LSM4: variants seen among roughly 807,000 people sequenced by gnomAD.
LSM4 encodes the protein U6 snRNA-associated Sm-like protein LSm4.
In LSM4, 15 loss-of-function variants were observed where a neutral mutation model predicts 22.3. The ratio of observed to expected loss-of-function variants is 0.67; its 90% CI spans 0.45 to 1.03. The LOEUF (loss-of-function observed/expected upper bound fraction) is 1.03. Ranked by LOEUF, LSM4 falls within the 50% of genes least tolerant of loss-of-function variation. The probability of loss-of-function intolerance (pLI) is 0.00; values close to 1 mark genes in which losing one functional copy is unlikely to be tolerated. For synonymous variants in LSM4, 90 were observed against 79.8 expected (o/e 1.13, Z -0.68); for missense variants, 127 against 198.0 (o/e 0.64, Z 2.15).
chr19:18,320,056 G>C (rs753676429), intron 1 of LSM4, among the ~76,000 whole-genome samples: 5 of 152,222 alleles, frequency 3.3e-5, no homozygotes, highest in Non-Finnish European at 7.3e-5. Context: ...GTGGCTGCGG[G>C]ACAGGGAGCT....
chr19:18,316,880 A>G (rs1229423713), intron 1 of LSM4, among the ~76,000 whole-genome samples: 1 of 152,152 alleles, frequency 6.6e-6, no homozygotes, highest in Non-Finnish European at 1.5e-5. Context: ...CCAGGCCCCA[A>G]TGCAGGGGTC....
chr19:18,314,109 C>T (rs1030137983), intron 2 of LSM4, among the ~76,000 whole-genome samples: 1 of 152,136 alleles, frequency 6.6e-6, no homozygotes, highest in African/African-American at 2.4e-5. Context: ...TCAACTTAGG[C>T]ATCTGCCCAA....
chr19:18,317,459 A>C (rs1970368846), intron 1 of LSM4, among the ~76,000 whole-genome samples: 1 of 151,360 alleles, frequency 6.6e-6, no homozygotes, highest in South Asian at 2.1e-4. Context: ...CAGCCTCCCG[A>C]GTAGCTGGGA....
chr19:18,313,764 T>G (rs1272838391), intron 2 of LSM4, among the ~76,000 whole-genome samples: 1 of 152,148 alleles, frequency 6.6e-6, no homozygotes, highest in Admixed American at 6.5e-5. Flanking sequence ...GATCCTCCTG[T>G]CTTGGCCTCC....
chr19:18,323,017 C>A lies in LSM4; in HGVS notation c.3+1G>T. On this transcript the variant is annotated splice_donor_variant, in intron 1 of 4. Transcript: ENST00000593829. LOFTEE classifies it high-confidence loss of function. ...AGACCCCGCAGTTGCCCTGCCCTCA[C>A]CATGGTGCCGGCGGGGACCGGGCTC... The A allele has an allele frequency of 6.3e-7, 1 of 1,576,250 alleles. No homozygotes were observed. Among genetic ancestry groups the A allele is most frequent in the South Asian group, 1.1e-5 (1 of 87,466 alleles).
At chr19:18,312,332 C>CA (rs1207405228) in intron 3 of LSM4, 3 of 408,768 alleles carry the variant, frequency 7.3e-6, no homozygotes, top group African/African-American at 6.1e-5. Context: ...GCCTGAGCCA[C>CA]AGGGAGTCCC....
At chr19:18,312,068 G>A (rs189617255) in intron 3 of LSM4, 45 of 157,856 alleles carry the variant, frequency 2.9e-4, no homozygotes, top group African/African-American at 7.2e-4. Flanking sequence ...GGGAAGGCCC[G>A]TGACACCAGG....
At chr19:18,323,057 CCGCCGCCGCTGCACACGCTCCCGGCGGT>C (rs776471613) in exon 1 of LSM4, 3 of 1,519,142 alleles carry the variant, frequency 2.0e-6, no homozygotes, top group South Asian at 3.6e-5. Flanking sequence ...GCCACTTCCG[CCGCCGCCGCTGCACACGCTCCCGGCGGT>C]CGTCGCCGCG....
chr19:18,322,250 AAAG>A (rs1970432444), intron 1 of LSM4, among the ~76,000 whole-genome samples: 1 of 152,160 alleles, frequency 6.6e-6, no homozygotes, highest in Admixed American at 6.5e-5. Context: ...CTCATTGAAA[AAAG>A]AAGGACCAGA....
chr19:18,313,196 G>T (rs1265263108), intron 2 of LSM4, among the ~76,000 whole-genome samples: 1 of 152,214 alleles, frequency 6.6e-6, no homozygotes, highest in Non-Finnish European at 1.5e-5. Context: ...AGTGAGCTGA[G>T]ATCGCACCAC....
chr19:18,307,414 G>A lies in LSM4; in HGVS notation c.*50C>T. 1.4e-6 allele frequency: 2 copies of A among 1,432,696 alleles called. No individual in the cohort carries two copies. Among genetic ancestry groups the A allele is most frequent in the Middle Eastern group, 2.4e-4 (1 of 4,106 alleles). 88.7% of individuals were successfully genotyped at this position (1,432,696 alleles called of 1,614,324 possible). ...CAGATCCGTCCGAGACTGTGGAGCG[G>A]AATCGCCACCCTGGCAGGAGGGGGC... On this transcript the variant is annotated 3_prime_UTR_variant, in exon 5 of 5. Transcript: ENST00000593829.
intron 4 of LSM4, 89 bp downstream of exon 4, chr19:18,309,589 A>T: frequency 7.2e-7 from 1 of 1,385,246 alleles, no homozygotes; most frequent in Non-Finnish European, 9.7e-7. Context: ...GCTCCGAGGC[A>T]GCGCTGCAAG....
chr19:18,316,154 T>C (rs1471965492), intron 1 of LSM4, 89 bp from the exon 2 acceptor site: 4 of 1,240,392 alleles, frequency 3.2e-6, no homozygotes, highest in Middle Eastern at 2.0e-4. Flanking sequence ...TCATAGATGG[T>C]GCGGTGCGGT....
chr19:18,308,103 A>G lies in LSM4; in HGVS notation c.329-548T>C, dbSNP rs1970253108. 2.6e-5 allele frequency among the ~76,000 whole-genome samples: 4 copies of G among 152,316 alleles called. 1 individual carries two copies. The South Asian group carries it at 8.3e-4, about 32-fold the overall frequency. On this transcript the variant is annotated intron_variant, in intron 4 of 4. Coordinates refer to ENST00000593829, the MANE Select transcript of LSM4 (RefSeq NM_012321.5). ...CTGAGGCCAGAGATAGACCATGAGG[A>G]CAAATGACATTTTCCATGAAGCCCC...
At chr19:18,311,146 G>A (rs1299167515) in intron 3 of LSM4, among the ~76,000 whole-genome samples, 1 of 152,132 alleles carries the variant, frequency 6.6e-6, no homozygotes, top group Non-Finnish European at 1.5e-5. Flanking sequence ...GCCTGGGCAG[G>A]TGACTTGGCG....
At chr19:18,317,321 C>A (rs1008059691) in intron 1 of LSM4, among the ~76,000 whole-genome samples, 2 of 145,706 alleles carry the variant, frequency 1.4e-5, no homozygotes, top group Non-Finnish European at 3.0e-5. Flanking sequence ...CACCCCCCGC[C>A]TGAACTGGGT....
At chr19:18,319,562 A>AAACAAC (rs141901547) in intron 1 of LSM4, among the ~76,000 whole-genome samples, 4 of 152,084 alleles carry the variant, frequency 2.6e-5, no homozygotes, top group Admixed American at 1.3e-4. Context: ...TTCATCTCAA[A>AAACAAC]AACAACAACA....
At chr19:18,310,110 A>G in intron 3 of LSM4, 1 of 521,448 alleles carries the variant, frequency 1.9e-6, no homozygotes, top group Non-Finnish European at 3.3e-6. Context: ...GTGCACTCAC[A>G]AGGAAGACTG....
At chr19:18,317,560 G>A (rs761266093) in intron 1 of LSM4, among the ~76,000 whole-genome samples, 25 of 152,026 alleles carry the variant, frequency 1.6e-4, no homozygotes, top group Middle Eastern at 3.4e-3. Context: ...TGTTAGCCAG[G>A]ATGGTCTCGA....
Sources: gnomAD v4.1 joint callset for allele counts (sites outside exome capture counted in the v4.1 genomes callset) on GRCh38, gnomAD v4.1.1 for gene constraint, MANE v1.5 for transcripts, NCBI Gene and HGNC (gene_info 2026-07-23, HGNC 2026-07-21) for gene names.